Variants in YY1 observed in about 807,000 individuals in gnomAD.
YY1 encodes the protein YY1 transcription factor.
A neutral mutation model predicts 35.6 loss-of-function variants in YY1; 2 were observed. The ratio of observed to expected loss-of-function variants is 0.06; its 90% CI spans 0.02 to 0.18. The LOEUF is 0.18. Among genes scored for constraint, YY1 ranks in the 10% least tolerant of loss-of-function variants. YY1 has a pLI of 1.00. For synonymous variants in YY1, 268 were observed against 238.9 expected (o/e 1.12, Z -1.12); for missense variants, 322 against 573.4 (o/e 0.56, Z 4.48).
At chr14:100,247,091 T>TTA (rs1890844755) in intron 1 of YY1, among the ~76,000 whole-genome samples, 1 of 152,216 alleles carries the variant, frequency 6.6e-6, no homozygotes, top group South Asian at 2.1e-4. Flanking sequence ...AGTTAGTATT[T>TTA]TATAGGCTTT....
At chr14:100,248,468 C>T (rs914261639) in intron 1 of YY1, among the ~76,000 whole-genome samples, 5 of 151,994 alleles carry the variant, frequency 3.3e-5, no homozygotes, top group Admixed American at 3.3e-4. Flanking sequence ...CATGACCTGG[C>T]AAATGAGATA....
In YY1 at chr14:100,239,595, C is replaced by T. The variant is rs1353172407; in HGVS notation, c.351C>T (p.Asp117=). Residue 117 remains aspartate (D), a synonymous_variant, in exon 1 of 5, where the codon GAC becomes GAT. Coordinates refer to ENST00000262238, the MANE Select transcript of YY1 (RefSeq NM_003403.5). ...QTREEVVGGD[D]SDGLRAEDGF... Reference sequence around the variant, plus strand: ...GCGAGGAGGTGGTGGGCGGCGACGACTCGGACGGGCTGCGCGCCGAGGACG... The same window carrying T: ...GCGAGGAGGTGGTGGGCGGCGACGATTCGGACGGGCTGCGCGCCGAGGACG... The T allele has an allele frequency of 5.6e-6, 9 of 1,612,466 alleles. No homozygotes were observed. Among genetic ancestry groups the T allele is most frequent in the Non-Finnish European group, 6.8e-6 (8 of 1,179,654 alleles).
intron 1 of YY1, among the ~76,000 whole-genome samples, chr14:100,246,960 C>T (rs1890842582): frequency 6.6e-6 from 1 of 152,188 alleles, no homozygotes; most frequent in Non-Finnish European, 1.5e-5. Context: ...CTTGTGCTGT[C>T]AGACTCTCCC....
At position 100,247,429 on chromosome 14, in the gene YY1, G is replaced by A. The variant is rs1431839261; in HGVS notation, c.679+7506G>A. Among the ~76,000 whole-genome samples, 7 of 148,040 alleles carry A rather than the reference G, an allele frequency of 4.7e-5. No individual in the cohort carries two copies. The East Asian group carries it at 5.9e-4, about 12-fold the overall frequency. On this transcript the variant is annotated intron_variant, in intron 1 of 4. Transcript: ENST00000262238. ...CAGGGTCTCACTTTGTCACCCAGTC[G>A]GGAGTACAGTGGCACAATCTCAGCT...
At chr14:100,260,427 AT>A (rs1891065429) in intron 1 of YY1, among the ~76,000 whole-genome samples, 2 of 48,510 alleles carry the variant, frequency 4.1e-5, no homozygotes, top group Non-Finnish European at 3.7e-5. Flanking sequence ...ATATATGAAT[AT>A]ATATATATAT....
intron 2 of YY1, among the ~76,000 whole-genome samples, chr14:100,274,137 C>A (rs1312157698): frequency 6.6e-6 from 1 of 152,100 alleles, no homozygotes; most frequent in Non-Finnish European, 1.5e-5. Context: ...ATCTATAAAT[C>A]TTGATTTAAA....
At chr14:100,240,116 CGG>C (rs1044409625) in intron 1 of YY1, among the ~76,000 whole-genome samples, 193 bp downstream of exon 1, 2 of 143,500 alleles carry the variant, frequency 1.4e-5, no homozygotes, top group Non-Finnish European at 3.1e-5. Context: ...CGGCAGGCCG[CGG>C]GGGGGAGGGG....
chr14:100,266,261 G>A (rs1891153675), intron 2 of YY1, among the ~76,000 whole-genome samples: 1 of 152,038 alleles, frequency 6.6e-6, no homozygotes, highest in South Asian at 2.1e-4. Context: ...CATGTCAGAG[G>A]GTAAGAGGTC....
At chr14:100,253,295 C>T (rs1890951289) in intron 1 of YY1, among the ~76,000 whole-genome samples, 1 of 152,194 alleles carries the variant, frequency 6.6e-6, no homozygotes, top group African/African-American at 2.4e-5. Context: ...ACATTCATAG[C>T]ATAATTTGAC....
intron 1 of YY1, among the ~76,000 whole-genome samples, chr14:100,252,090 G>T (rs1030201084): frequency 5.9e-5 from 9 of 152,208 alleles, no homozygotes; most frequent in Non-Finnish European, 7.4e-5. Context: ...ATTGTATTGA[G>T]TACCTTTTAC....
chr14:100,251,377 G>A (rs1228651467), intron 1 of YY1, among the ~76,000 whole-genome samples: 2 of 152,208 alleles, frequency 1.3e-5, no homozygotes, highest in South Asian at 2.1e-4. Context: ...CTCCACTAAA[G>A]CTGCCAGAAG....
At position 100,281,598 on chromosome 14, in the gene YY1, T is replaced by G. The variant is rs1891433000; in HGVS notation, c.*3998T>G. ...AGCCAAAACTCCAAGCTGCACTTTCTTGGGGTTCTGGCCATGCACTTCTTA... is the reference window on the plus strand; with the variant it reads ...AGCCAAAACTCCAAGCTGCACTTTCGTGGGGTTCTGGCCATGCACTTCTTA... On this transcript the variant is annotated 3_prime_UTR_variant, in exon 5 of 5. Transcript: ENST00000262238. 6.6e-6 allele frequency: 1 copy of G among 152,234 alleles called. No individual in the cohort carries two copies. The allele number at this position is 152,234 out of a possible 1,614,324, so 9.4% of individuals were successfully genotyped here. A position where few individuals can be genotyped will look rare whatever the true frequency, so the allele number is the denominator to read the frequency against.
At chr14:100,260,761 G>A (rs1183189596) in intron 1 of YY1, among the ~76,000 whole-genome samples, 2 of 132,542 alleles carry the variant, frequency 1.5e-5, no homozygotes, top group Non-Finnish European at 3.2e-5. Flanking sequence ...GTGAGCCACC[G>A]TGCCTGGTCC....
At chr14:100,243,464 G>A (rs758503907) in intron 1 of YY1, among the ~76,000 whole-genome samples, 1 of 152,122 alleles carries the variant, frequency 6.6e-6, no homozygotes, top group Non-Finnish European at 1.5e-5. Flanking sequence ...TTCCCCGAGG[G>A]TCTAGTTACT....
chr14:100,247,531 C>G (rs1194269392), intron 1 of YY1, among the ~76,000 whole-genome samples: 1 of 152,072 alleles, frequency 6.6e-6, no homozygotes, highest in Non-Finnish European at 1.5e-5. Context: ...CAGGCACGCA[C>G]CACCAGGCAT....
intron 1 of YY1, among the ~76,000 whole-genome samples, chr14:100,257,028 C>T (rs749432836): frequency 1.3e-5 from 2 of 152,064 alleles, no homozygotes; most frequent in African/African-American, 2.4e-5. Context: ...TAGTGACCAT[C>T]CTGAGGGTTC....
At chr14:100,263,963 GCCACACCTC>G (rs1891119161) in intron 2 of YY1, 1 of 152,024 alleles carries the variant, frequency 6.6e-6, no homozygotes, top group African/African-American at 2.4e-5. Flanking sequence ...CAATCCTCCT[GCCACACCTC>G]CCGAGTAGCT....
chr14:100,242,378 G>GTTTTTTTTTT (rs57406488), intron 1 of YY1, among the ~76,000 whole-genome samples: 2 of 109,934 alleles, frequency 1.8e-5, no homozygotes, highest in Non-Finnish European at 3.8e-5. Flanking sequence ...TTTGTTTTTT[G>GTTTTTTTTTT]TTTTTTTTTT....
rs150669087 is a variant in YY1 at position 100,258,602 on chromosome 14, C to G, written c.680-3702C>G. Among the ~76,000 whole-genome samples the G allele has an allele frequency of 6.2e-3, 946 of 152,286 alleles. 7 individuals carry two copies. Among genetic ancestry groups the G allele is most frequent in the African/African-American group, 0.022 (898 of 41,538 alleles). On this transcript the variant is annotated intron_variant, in intron 1 of 4. Coordinates refer to ENST00000262238, the MANE Select transcript of YY1 (RefSeq NM_003403.5). The stretch of plus-strand genomic sequence containing the variant: ...CATCCTGACCTCGTGATCCGCCCGC[C>G]TCGGCTTCCCAAAGTGCTGGGATTA...
Sources: allele counts gnomAD v4.1 joint callset (sites outside exome capture counted in the v4.1 genomes callset), GRCh38; gene constraint gnomAD v4.1.1; transcripts MANE v1.5; gene names NCBI Gene and HGNC (gene_info 2026-07-23, HGNC 2026-07-21).